The following MAN2A1 variants were observed in gnomAD, a reference collection of about 807,000 sequenced individuals.
MAN2A1 encodes mannosidase alpha class 2A member 1, also known as alpha-mannosidase 2.
A neutral mutation model predicts 142.6 loss-of-function variants in MAN2A1; 76 were observed. That is an observed-to-expected ratio of 0.53 (90% CI 0.44 to 0.65). MAN2A1 has a LOEUF of 0.65. Ranked by LOEUF, MAN2A1 falls within the 30% of genes least tolerant of loss-of-function variation. The pLI is 0.00. For missense variants in MAN2A1, 1,311 were observed against 1,365.1 expected, an observed-to-expected ratio of 0.96 and a Z score of 0.62; for synonymous variants, 559 against 473.2, an observed-to-expected ratio of 1.18 and a Z score of -2.35.
rs79916370 is a variant in MAN2A1 at position 109,704,415 on chromosome 5, G to A, written c.136-9105G>A. On this transcript the variant is annotated intron_variant, in intron 1 of 21. Transcript: ENST00000261483. Reference sequence around the variant, plus strand: ...ACAAGTGGCTGCACAAAGACAAATTGCACAATTTGGAAGAAATTCAGGCAT... The same window carrying A: ...ACAAGTGGCTGCACAAAGACAAATTACACAATTTGGAAGAAATTCAGGCAT... 3.5e-4 allele frequency among the ~76,000 whole-genome samples: 54 copies of A among 152,294 alleles called. No homozygotes were observed. In the East Asian group the frequency reaches 0.01, roughly 29 times the overall value.
chr5:109,767,093 G>A (rs1319069523), intron 5 of MAN2A1, among the ~76,000 whole-genome samples: 2 of 152,260 alleles, frequency 1.3e-5, no homozygotes, highest in East Asian at 3.9e-4. Flanking sequence ...AGTCCTTAAT[G>A]TTGGTGTTGG....
chr5:109,789,118 G>T, intron 11 of MAN2A1, 70 bp downstream of exon 11: 1 of 768,584 alleles, frequency 1.3e-6, no homozygotes, highest in South Asian at 2.0e-5. Flanking sequence ...CAAAGAGGAT[G>T]AGAAGCTTAA....
At chr5:109,718,741 T>G (rs1175769746) in intron 3 of MAN2A1, among the ~76,000 whole-genome samples, 1 of 152,180 alleles carries the variant, frequency 6.6e-6, no homozygotes, top group Non-Finnish European at 1.5e-5. Context: ...TTTTACTTGG[T>G]CTCCTCACTA....
At chr5:109,782,557 A>G (rs915569166) in intron 9 of MAN2A1, among the ~76,000 whole-genome samples, 18 of 152,110 alleles carry the variant, frequency 1.2e-4, no homozygotes, top group Non-Finnish European at 1.0e-4. Flanking sequence ...ATGAATCTTG[A>G]TGTTTGAGTT....
intron 19 of MAN2A1, 135 bp downstream of exon 19, chr5:109,847,925 C>A: frequency 1.9e-6 from 1 of 516,214 alleles, no homozygotes; most frequent in Non-Finnish European, 3.0e-6. Context: ...ATGTGGCCCA[C>A]ATTCACAGAA....
At chr5:109,791,335 A>C (rs1045397137) in intron 12 of MAN2A1, among the ~76,000 whole-genome samples, 2 of 152,024 alleles carry the variant, frequency 1.3e-5, no homozygotes, top group Non-Finnish European at 1.5e-5. Context: ...TTTACTTGTT[A>C]GCTGCAAATT....
chr5:109,739,275 A>G (rs1752198356), intron 4 of MAN2A1, among the ~76,000 whole-genome samples: 1 of 152,210 alleles, frequency 6.6e-6, no homozygotes, highest in Admixed American at 6.5e-5. Context: ...ATTTTCACTA[A>G]GTTATATATC....
intron 4 of MAN2A1, among the ~76,000 whole-genome samples, chr5:109,740,226 A>G (rs1278852970): frequency 6.6e-6 from 1 of 152,200 alleles, no homozygotes; most frequent in East Asian, 1.9e-4. Context: ...ATTATATGAG[A>G]ATCAGGGATC....
At chr5:109,706,300 C>G (rs967213858) in intron 1 of MAN2A1, among the ~76,000 whole-genome samples, 1 of 152,172 alleles carries the variant, frequency 6.6e-6, no homozygotes, top group African/African-American at 2.4e-5. Flanking sequence ...AATTATGACA[C>G]ATACTATCTG....
chr5:109,749,372 A>G (rs1035820851), intron 4 of MAN2A1, among the ~76,000 whole-genome samples: 1 of 152,184 alleles, frequency 6.6e-6, no homozygotes, highest in Non-Finnish European at 1.5e-5. Flanking sequence ...AGATATGCTC[A>G]GCTTAGTTTT....
chr5:109,839,008 G>A lies in MAN2A1; in HGVS notation c.2567-3320G>A, dbSNP rs532757114. ...ATTAATGATGTTCTCTTTTGTTAAG[G>A]CTTTATTTCATTTCATGTATTCTGT... On this transcript the variant is annotated intron_variant, in intron 16 of 21. Transcript: ENST00000261483. Among the ~76,000 whole-genome samples the A allele has an allele frequency of 5.3e-5, 8 of 152,152 alleles. No individual in the cohort carries two copies. In the East Asian group the frequency reaches 1.5e-3, roughly 29 times the overall value.
intron 12 of MAN2A1, among the ~76,000 whole-genome samples, chr5:109,816,388 A>C (rs113504877): frequency 3.1e-4 from 47 of 152,184 alleles, no homozygotes; most frequent in Non-Finnish European, 4.3e-4. Flanking sequence ...AATATTGCCT[A>C]AACTTATTTT....
At chr5:109,842,050 G>GA (rs1250483193) in intron 16 of MAN2A1, among the ~76,000 whole-genome samples, 1 of 152,184 alleles carries the variant, frequency 6.6e-6, no homozygotes, top group East Asian at 1.9e-4. Context: ...AGAACTCAGA[G>GA]AATCATTTAC....
chr5:109,713,090 T>G (rs1751348750), intron 1 of MAN2A1, among the ~76,000 whole-genome samples: 1 of 152,192 alleles, frequency 6.6e-6, no homozygotes. Flanking sequence ...GGGATTGAGA[T>G]GGAATGATCT....
intron 12 of MAN2A1, among the ~76,000 whole-genome samples, chr5:109,790,314 T>C (rs1451251749): frequency 6.6e-6 from 1 of 151,846 alleles, no homozygotes; most frequent in Non-Finnish European, 1.5e-5. Flanking sequence ...TTTATTAAAA[T>C]TATTTAAAAA....
intron 1 of MAN2A1, among the ~76,000 whole-genome samples, chr5:109,711,177 A>C (rs1751290294): frequency 6.6e-6 from 1 of 152,120 alleles, no homozygotes; most frequent in Non-Finnish European, 1.5e-5. Context: ...AGATTAAGGT[A>C]ATGTTTTATT....
chr5:109,711,185 A>G (rs748763556), intron 1 of MAN2A1, among the ~76,000 whole-genome samples: 36 of 152,178 alleles, frequency 2.4e-4, no homozygotes, highest in Non-Finnish European at 4.1e-4. Flanking sequence ...GTAATGTTTT[A>G]TTTTATGAAG....
chr5:109,751,560 T>G (rs1220274027), intron 4 of MAN2A1, among the ~76,000 whole-genome samples: 3 of 151,930 alleles, frequency 2.0e-5, no homozygotes, highest in Non-Finnish European at 4.4e-5. Context: ...GGTAGTTCTA[T>G]TTTTAGTTTT....
At chr5:109,859,786 G>A (rs1580323579) in intron 20 of MAN2A1, among the ~76,000 whole-genome samples, 1 of 152,020 alleles carries the variant, frequency 6.6e-6, no homozygotes, top group Non-Finnish European at 1.5e-5. Flanking sequence ...GTTCAGCCTG[G>A]AATAGAGGGA....
Sources: allele counts gnomAD v4.1 joint callset (sites outside exome capture counted in the v4.1 genomes callset), GRCh38; gene constraint gnomAD v4.1.1; transcripts MANE v1.5; gene names NCBI Gene and HGNC (gene_info 2026-07-23, HGNC 2026-07-21).